DCAF5: variants seen among roughly 807,000 people sequenced by gnomAD.
The protein encoded by DCAF5 is DDB1- and CUL4-associated factor 5.
DCAF5 carries 9 observed loss-of-function variants against 80.7 expected under a neutral mutation model. The ratio of observed to expected loss-of-function variants is 0.11; its 90% CI spans 0.07 to 0.19. The LOEUF is 0.19. Among genes scored for constraint, DCAF5 ranks in the 10% least tolerant of loss-of-function variants. The probability of loss-of-function intolerance (pLI) is 1.00; values close to 1 mark genes in which losing one functional copy is unlikely to be tolerated. For synonymous variants in DCAF5, 433 were observed against 461.9 expected, an observed-to-expected ratio of 0.94 and a Z score of 0.80; for missense variants, 842 against 1,205.7, an observed-to-expected ratio of 0.70 and a Z score of 4.47.
chr14:69,144,846 T>TA (rs2041490937), intron 1 of DCAF5, among the ~76,000 whole-genome samples: 1 of 152,106 alleles, frequency 6.6e-6, no homozygotes, highest in Non-Finnish European at 1.5e-5. Context: ...GAGTCCTACT[T>TA]AGAGTCCCGA....
intron 7 of DCAF5, among the ~76,000 whole-genome samples, chr14:69,071,683 G>A (rs2139886168): frequency 6.6e-6 from 1 of 152,250 alleles, no homozygotes; most frequent in Non-Finnish European, 1.5e-5. Context: ...GATTATTTAA[G>A]TCAAAAAGAC....
chr14:69,066,907 G>A (rs552298246), intron 7 of DCAF5, among the ~76,000 whole-genome samples: 7 of 152,204 alleles, frequency 4.6e-5, no homozygotes, highest in Non-Finnish European at 1.0e-4. Context: ...CCAAGAATGA[G>A]TACGTTTTTG....
intron 7 of DCAF5, among the ~76,000 whole-genome samples, chr14:69,065,941 A>C (rs1479059747): frequency 1.3e-5 from 2 of 152,156 alleles, no homozygotes; most frequent in East Asian, 3.9e-4. Flanking sequence ...CCAGGTAAGG[A>C]TCAACTTCAC....
intron 5 of DCAF5, among the ~76,000 whole-genome samples, chr14:69,112,513 A>C (rs1354724276): frequency 3.3e-5 from 5 of 151,966 alleles, no homozygotes; most frequent in Admixed American, 1.3e-4. Flanking sequence ...GGCCTAGGCA[A>C]CATAGTGAGA....
At chr14:69,064,634 T>TTTC (rs1162369261) in intron 7 of DCAF5, among the ~76,000 whole-genome samples, 2 of 152,220 alleles carry the variant, frequency 1.3e-5, no homozygotes, top group Non-Finnish European at 2.9e-5. Flanking sequence ...AGGCAGTTAT[T>TTTC]AGATAGGTGG....
chr14:69,136,512 G>T (rs1369268721), intron 1 of DCAF5, among the ~76,000 whole-genome samples: 2 of 152,118 alleles, frequency 1.3e-5, no homozygotes, highest in East Asian at 3.9e-4. Context: ...TTGAGAAAAT[G>T]TAACAATGAC....
At chr14:69,145,145 G>A (rs2041500826) in intron 1 of DCAF5, among the ~76,000 whole-genome samples, 1 of 152,026 alleles carries the variant, frequency 6.6e-6, no homozygotes, top group South Asian at 2.1e-4. Context: ...GGCCTCCTGT[G>A]TAGCTGGGAC....
At chr14:69,058,363 A>G (rs2038060045) in intron 8 of DCAF5, among the ~76,000 whole-genome samples, 2 of 151,980 alleles carry the variant, frequency 1.3e-5, no homozygotes, top group South Asian at 4.2e-4. Flanking sequence ...TACCAAAAAT[A>G]CAAAAATTAG....
At chr14:69,149,090 G>A (rs2041628413) in intron 1 of DCAF5, among the ~76,000 whole-genome samples, 1 of 152,214 alleles carries the variant, frequency 6.6e-6, no homozygotes, top group Non-Finnish European at 1.5e-5. Context: ...TATTTTCTCT[G>A]AGAGGCCTGG....
intron 5 of DCAF5, among the ~76,000 whole-genome samples, chr14:69,108,258 T>A (rs1225685266): frequency 1.3e-5 from 2 of 152,212 alleles, no homozygotes; most frequent in Non-Finnish European, 2.9e-5. Flanking sequence ...AGTAAAAGCA[T>A]CTTTAAGAGT....
chr14:69,051,733 T>C lies in DCAF5; in HGVS notation c.*2124A>G, dbSNP rs946461133. ...TCTTTTCAGGAAGATATGTATCCGA[T>C]TGTCCTTTGAGAAGTCAGAAGAGGC... On this transcript the variant is annotated 3_prime_UTR_variant, in exon 9 of 9. Transcript: ENST00000341516. 6.6e-6 allele frequency: 1 copy of C among 152,570 alleles called. No homozygotes were observed. The highest frequency in any genetic ancestry group is 1.5e-5 in the Non-Finnish European group (1 of 68,048). The allele number at this position is 152,570 out of a possible 1,614,324, so 9.5% of individuals were successfully genotyped here.
At chr14:69,066,699 C>A (rs1191815793) in intron 7 of DCAF5, among the ~76,000 whole-genome samples, 4 of 152,192 alleles carry the variant, frequency 2.6e-5, no homozygotes, top group Non-Finnish European at 5.9e-5. Flanking sequence ...ATGCCAAGGT[C>A]AAATGTCTCC....
At chr14:69,143,160 C>T (rs1252133355) in intron 1 of DCAF5, among the ~76,000 whole-genome samples, 1 of 152,184 alleles carries the variant, frequency 6.6e-6, no homozygotes, top group East Asian at 1.9e-4. Flanking sequence ...TTCACAATTC[C>T]ACCCGTCATC....
chr14:69,096,590 T>C (rs1247736603), intron 5 of DCAF5, among the ~76,000 whole-genome samples: 1 of 152,184 alleles, frequency 6.6e-6, no homozygotes, highest in Non-Finnish European at 1.5e-5. Flanking sequence ...AACAGGAACA[T>C]GCCCAGAGTG....
chr14:69,108,734 T>C (rs1395903280), intron 5 of DCAF5, among the ~76,000 whole-genome samples: 2 of 152,144 alleles, frequency 1.3e-5, no homozygotes, highest in East Asian at 1.9e-4. Flanking sequence ...TGTAAACCTA[T>C]GTATGGTAAA....
chr14:69,088,071 C>T (rs888018334), intron 6 of DCAF5, among the ~76,000 whole-genome samples: 3 of 152,148 alleles, frequency 2.0e-5, no homozygotes, highest in East Asian at 3.8e-4. Context: ...CTGACAACAA[C>T]GGGCTAAAGC....
intron 5 of DCAF5, among the ~76,000 whole-genome samples, chr14:69,115,767 G>C (rs2040524271): frequency 6.6e-6 from 1 of 152,226 alleles, no homozygotes; most frequent in Non-Finnish European, 1.5e-5. Context: ...ATAGTGCCAT[G>C]TGGAGAAACA....
chr14:69,108,982 GGAAGAA>G (rs920344977), intron 5 of DCAF5, among the ~76,000 whole-genome samples: 2 of 152,088 alleles, frequency 1.3e-5, no homozygotes, highest in Non-Finnish European at 2.9e-5. Context: ...GGAATCGTAG[GGAAGAA>G]GATAAATACC....
chr14:69,096,047 G>C (rs138336716), intron 5 of DCAF5, among the ~76,000 whole-genome samples: 1 of 152,294 alleles, frequency 6.6e-6, no homozygotes, highest in East Asian at 1.9e-4. Flanking sequence ...AATATGGGAT[G>C]TTTTGTATTT....
Sources: gnomAD v4.1 joint callset for allele counts (sites outside exome capture counted in the v4.1 genomes callset) on GRCh38, gnomAD v4.1.1 for gene constraint, MANE v1.5 for transcripts, NCBI Gene and HGNC (gene_info 2026-07-23, HGNC 2026-07-21) for gene names.